The following ITSN2 variants were observed in gnomAD, a reference collection of about 807,000 sequenced individuals.
The protein encoded by ITSN2 is intersectin-2.
ITSN2 carries 156 observed loss-of-function variants against 243.7 expected under a neutral mutation model. The ratio of observed to expected loss-of-function variants is 0.64; its 90% CI spans 0.56 to 0.73. The LOEUF (loss-of-function observed/expected upper bound fraction) is 0.73. Ranked by LOEUF, ITSN2 falls within the 30% of genes least tolerant of loss-of-function variation. The probability of loss-of-function intolerance (pLI) is 0.00; values close to 1 mark genes in which losing one functional copy is unlikely to be tolerated. For synonymous variants in ITSN2, 703 were observed against 699.9 expected (o/e 1.00, Z -0.07); for missense variants, 1,801 against 1,996.1 (o/e 0.90, Z 1.86).
At position 24,335,525 on chromosome 2, in the gene ITSN2, G is replaced by A. The variant is rs963180756; in HGVS notation, c.-33-7410C>T. On this transcript the variant is annotated intron_variant, in intron 1 of 39. Transcript: ENST00000355123. ...TTTTTAAATTTTTTTGTAGAGATGC[G>A]GCCTCACTACATTTCCCAGGCTGGT... Among the ~76,000 whole-genome samples the A allele has an allele frequency of 3.3e-5, 5 of 152,006 alleles. No individual in the cohort carries two copies. The East Asian group carries it at 5.8e-4, about 18-fold the overall frequency.
At chr2:24,260,776 C>A (rs1287660851) in intron 22 of ITSN2, among the ~76,000 whole-genome samples, 2 of 151,818 alleles carry the variant, frequency 1.3e-5, no homozygotes, top group South Asian at 4.2e-4. Flanking sequence ...TGGTGGCAGG[C>A]ACCTGTAATC....
At chr2:24,238,374 T>G (rs186498923) in intron 29 of ITSN2, among the ~76,000 whole-genome samples, 1 of 152,314 alleles carries the variant, frequency 6.6e-6, no homozygotes, top group Non-Finnish European at 1.5e-5. Flanking sequence ...GAAAGGCTTT[T>G]TGGAAAGAGG....
Position 24,337,279 on chromosome 2 carries a change from ATGTATGTGTG to A in ITSN2, c.-33-9174_-33-9165del, listed in dbSNP as rs1193721292. 4.2e-3 allele frequency among the ~76,000 whole-genome samples: 413 copies of A among 97,922 alleles called. 12 individuals carry two copies. Among genetic ancestry groups the A allele is most frequent in the Non-Finnish European group, 7.4e-3 (345 of 46,436 alleles). The allele number at this position is 97,922 out of a possible 152,430, so 64.2% of individuals were successfully genotyped here. ...CCTGCAGGCGTGTGTGTCTATATGT[ATGTATGTGTG>A]TGTGTGTGTGTGTGTGTATACACAA... is the stretch of plus-strand genomic sequence containing the variant. On this transcript the variant is annotated intron_variant, in intron 1 of 39. Coordinates refer to ENST00000355123, the MANE Select transcript of ITSN2 (RefSeq NM_006277.3).
At chr2:24,334,866 A>G (rs1435493106) in intron 1 of ITSN2, 2 of 544,302 alleles carry the variant, frequency 3.7e-6, no homozygotes, top group African/African-American at 3.9e-5. Context: ...GATCGAGACC[A>G]TCCTGGCTAA....
chr2:24,234,545 CAAG>C (rs1248975993), intron 29 of ITSN2, among the ~76,000 whole-genome samples: 3 of 151,740 alleles, frequency 2.0e-5, no homozygotes, highest in Admixed American at 6.6e-5. Context: ...AAGATGTGGT[CAAG>C]AGAATGAGAA....
At chr2:24,333,433 G>A (rs1328751628) in intron 1 of ITSN2, among the ~76,000 whole-genome samples, 1 of 152,198 alleles carries the variant, frequency 6.6e-6, no homozygotes, top group Non-Finnish European at 1.5e-5. Context: ...CCTGTTTCAG[G>A]CAAGTGCAAC....
chr2:24,203,816 T>C (rs1668557992), intron 39 of ITSN2, 33 bp from the exon 40 acceptor site: 1 of 1,581,268 alleles, frequency 6.3e-7, no homozygotes, highest in Non-Finnish European at 8.6e-7. Context: ...TCAGAAGTCT[T>C]TCTTCTTTAT....
At chr2:24,269,245 G>A (rs2151444765) in intron 20 of ITSN2, among the ~76,000 whole-genome samples, 1 of 152,184 alleles carries the variant, frequency 6.6e-6, no homozygotes, top group East Asian at 1.9e-4. Context: ...GCGACATCCA[G>A]ATTTACATCC....
At chr2:24,360,052 C>T (rs1349921654) in intron 1 of ITSN2, among the ~76,000 whole-genome samples, 3 of 152,052 alleles carry the variant, frequency 2.0e-5, no homozygotes, top group African/African-American at 7.2e-5. Context: ...GAAGGGGCAG[C>T]CCAGCCCAGG....
At chr2:24,277,387 A>G (rs1678145459) in intron 17 of ITSN2, among the ~76,000 whole-genome samples, 1 of 152,240 alleles carries the variant, frequency 6.6e-6, no homozygotes, top group Non-Finnish European at 1.5e-5. Flanking sequence ...TTGAAATAGT[A>G]GATTTGATCT....
chr2:24,312,209 T>C lies in ITSN2; in HGVS notation c.352+3A>G, dbSNP rs374016898. 1.2e-6 allele frequency: 2 copies of C among 1,601,910 alleles called. No homozygotes were observed. The highest frequency in any genetic ancestry group is 1.7e-6 in the Non-Finnish European group (2 of 1,173,338). On this transcript the variant is annotated splice_donor_region_variant and intron_variant, in intron 5 of 39. Coordinates refer to ENST00000355123, the MANE Select transcript of ITSN2 (RefSeq NM_006277.3). ...ACAGGTATTTAAATTAATACATACT[T>C]ACCAAAACGAGCAGAAATTAATGGA... is the stretch of plus-strand genomic sequence containing the variant.
At chr2:24,293,155 G>C (rs552821130) in intron 15 of ITSN2, 1 of 152,250 alleles carries the variant, frequency 6.6e-6, no homozygotes, top group Non-Finnish European at 1.5e-5. Context: ...AATTATCCTG[G>C]AATGTTTTGT....
chr2:24,293,702 A>C lies in ITSN2; in HGVS notation c.1709T>G (p.Phe570Cys). 8.3e-7 allele frequency: 1 copy of C among 1,200,360 alleles called. No individual in the cohort carries two copies. Among genetic ancestry groups the C allele is most frequent in the Non-Finnish European group, 1.2e-6 (1 of 842,494 alleles). The allele number at this position is 1,200,360 out of a possible 1,614,324, so 74.4% of individuals were successfully genotyped here. A position where few individuals can be genotyped will look rare whatever the true frequency, so the allele number is the denominator to read the frequency against. ...LLNERIKNMQ[F>C]SNTPDSGVSL... Reference sequence around the variant, plus strand: ...TAGAGACTTACCAGGTGTGTTACTGAACTGCATGTTTTTAATTCTTTCATT... The same window carrying C: ...TAGAGACTTACCAGGTGTGTTACTGCACTGCATGTTTTTAATTCTTTCATT... The change falls in exon 15 of 40, where the codon TTC (phenylalanine) becomes TGC (cysteine). Residue 570 changes from phenylalanine (F) to cysteine (C), a missense_variant. By Grantham distance (205) the Phe-to-Cys change is radical. Around this residue, in one of 5 missense-constraint regions of ITSN2, gnomAD observed 787 missense variants for 803.9 expected, o/e 0.98. Transcript: ENST00000355123.
chr2:24,357,920 C>CT (rs956334009), intron 1 of ITSN2, among the ~76,000 whole-genome samples: 4 of 151,048 alleles, frequency 2.6e-5, no homozygotes, highest in Middle Eastern at 3.4e-3. Flanking sequence ...CTTTTTTTTT[C>CT]TTTTTTTTGT....
intron 2 of ITSN2, among the ~76,000 whole-genome samples, chr2:24,327,575 G>A (rs1253067508): frequency 6.6e-6 from 1 of 151,870 alleles, no homozygotes; most frequent in Non-Finnish European, 1.5e-5. Flanking sequence ...TGTAATTACA[G>A]GCATGAGCCA....
At chr2:24,252,028 C>T (rs1674398612) in intron 25 of ITSN2, among the ~76,000 whole-genome samples, 1 of 152,114 alleles carries the variant, frequency 6.6e-6, no homozygotes, top group African/African-American at 2.4e-5. Context: ...TCAAGGTGGT[C>T]CTTTTTGTGT....
Position 24,203,711 on chromosome 2 carries a change from C to G in ITSN2, c.5009G>C (p.Arg1670Pro), listed in dbSNP as rs778425636. 12 of 1,614,110 alleles carry G rather than the reference C, an allele frequency of 7.4e-6. No individual in the cohort carries two copies. In the East Asian group the frequency reaches 2.7e-4, roughly 36 times the overall value. Residue 1670 changes from arginine to proline, a missense_variant, in exon 40 of 40, where the codon CGC becomes CCC. This residue lies in a region of ITSN2 where 928 missense variants were observed against 1,065.4 expected (regional missense o/e 0.87). Coordinates refer to ENST00000355123, the MANE Select transcript of ITSN2 (RefSeq NM_006277.3). ...GGGGACCTCATGCAGCAGCAGTCGG[C>G]GGGTCATAGGGCCTTTGCTTTCCTG... Reference protein sequence around the residue: ...TEQESKGPMTRRLLLHEVPTG... With the variant: ...TEQESKGPMTPRLLLHEVPTG...
At chr2:24,284,397 A>G (rs561747242) in intron 17 of ITSN2, among the ~76,000 whole-genome samples, 8 of 152,188 alleles carry the variant, frequency 5.3e-5, no homozygotes, top group Non-Finnish European at 1.2e-4. Flanking sequence ...TATTTTAAAC[A>G]CTGATTTTCA....
In ITSN2 at chr2:24,300,143, G is replaced by A; in HGVS notation, c.1110C>T (p.Asn370=). The change falls in exon 12 of 40, where the codon AAC becomes AAT. Residue 370 remains asparagine (N), a synonymous_variant. Transcript: ENST00000355123. The part of the protein sequence containing the change: ...PVTFEDKRKA[N]YERGNMELEK... ...CCAGCTCCATGTTCCCTCGCTCATA[G>A]TTGGCTTTCCGTTTGTCCTCAAAAG... 1 of 1,614,110 alleles carries A rather than the reference G, an allele frequency of 6.2e-7. No homozygotes were observed. Among genetic ancestry groups the A allele is most frequent in the Non-Finnish European group, 8.5e-7 (1 of 1,180,026 alleles).
Sources: gnomAD v4.1 joint callset for allele counts (sites outside exome capture counted in the v4.1 genomes callset) on GRCh38, gnomAD v4.1.1 for gene constraint, gnomAD v4.1.1 regional missense constraint, MANE v1.5 for transcripts, NCBI Gene and HGNC (gene_info 2026-07-23, HGNC 2026-07-21) for gene names.